Variants in FSTL5 observed in about 807,000 individuals in gnomAD.
FSTL5 encodes the protein follistatin-related protein 5.
In FSTL5, 62 loss-of-function variants were observed where a neutral mutation model predicts 89.1. The ratio of observed to expected loss-of-function variants is 0.70; its 90% CI spans 0.57 to 0.86. FSTL5 has a LOEUF of 0.86. Among genes scored for constraint, FSTL5 ranks in the 40% least tolerant of loss-of-function variants. The probability of loss-of-function intolerance (pLI) is 0.00; values close to 1 mark genes in which losing one functional copy is unlikely to be tolerated. For missense variants in FSTL5, 1,057 were observed against 1,001.6 expected, an observed-to-expected ratio of 1.06 and a Z score of -0.75; for synonymous variants, 383 against 346.2, an observed-to-expected ratio of 1.11 and a Z score of -1.18.
intron 1 of FSTL5, among the ~76,000 whole-genome samples, chr4:162,156,943 TATATCTAC>T (rs1733498109): frequency 6.6e-6 from 1 of 152,180 alleles, no homozygotes; most frequent in African/African-American, 2.4e-5. Flanking sequence ...ATGGTTTCCC[TATATCTAC>T]ATTATAAACT....
At chr4:161,773,133 G>T (rs189258662) in intron 5 of FSTL5, among the ~76,000 whole-genome samples, 49 of 152,234 alleles carry the variant, frequency 3.2e-4, no homozygotes, top group African/African-American at 1.1e-3. Flanking sequence ...GGGATAATTG[G>T]CAAACCACAT....
At chr4:161,506,232 C>A (rs547952190) in intron 11 of FSTL5, among the ~76,000 whole-genome samples, 101 of 104,942 alleles carry the variant, frequency 9.6e-4, no homozygotes, top group African/African-American at 3.4e-3. Context: ...TCACGCCCGG[C>A]ATTTTTTTTT....
At position 161,634,470 on chromosome 4, in the gene FSTL5, C is replaced by G. The variant is rs187292211; in HGVS notation, c.894+21858G>C. On this transcript the variant is annotated intron_variant, in intron 7 of 15. Coordinates refer to ENST00000306100, the MANE Select transcript of FSTL5 (RefSeq NM_020116.5). ...TTTATTACAGCATTAGTCACAATAGCCAAGGTATGTAAACCAACAAAATAT... is the reference window on the plus strand; with the variant it reads ...TTTATTACAGCATTAGTCACAATAGGCAAGGTATGTAAACCAACAAAATAT... Among the ~76,000 whole-genome samples the G allele has an allele frequency of 4.6e-5, 7 of 152,116 alleles. No individual in the cohort carries two copies. The East Asian group carries it at 1.2e-3, about 25-fold the overall frequency.
At chr4:161,841,093 G>T (rs1579132674) in intron 4 of FSTL5, among the ~76,000 whole-genome samples, 1 of 152,014 alleles carries the variant, frequency 6.6e-6, no homozygotes, top group African/African-American at 2.4e-5. Context: ...GCTTTCTTTA[G>T]CTTTTTCAGG....
chr4:161,620,078 C>T (rs1735062575), intron 7 of FSTL5, among the ~76,000 whole-genome samples: 1 of 151,036 alleles, frequency 6.6e-6, no homozygotes, highest in Non-Finnish European at 1.5e-5. Flanking sequence ...TCTCAGTAAA[C>T]TATCGCAAGA....
chr4:161,488,478 C>G (rs1189912348), intron 12 of FSTL5, among the ~76,000 whole-genome samples: 1 of 151,926 alleles, frequency 6.6e-6, no homozygotes. Flanking sequence ...ATAAGCTGAG[C>G]ATTGTTTTCT....
chr4:162,037,200 T>C (rs1488134847), intron 2 of FSTL5, among the ~76,000 whole-genome samples: 1 of 151,824 alleles, frequency 6.6e-6, no homozygotes, highest in Non-Finnish European at 1.5e-5. Context: ...TAGAATATAA[T>C]TGGGGGCAAA....
intron 5 of FSTL5, among the ~76,000 whole-genome samples, chr4:161,764,338 A>G (rs1029672456): frequency 6.6e-6 from 1 of 152,102 alleles, no homozygotes; most frequent in African/African-American, 2.4e-5. Context: ...GGCTCACTGC[A>G]ACCTTTGCCT....
chr4:161,942,976 G>A (rs547264511), intron 3 of FSTL5, among the ~76,000 whole-genome samples: 1 of 152,232 alleles, frequency 6.6e-6, no homozygotes, highest in Admixed American at 6.5e-5. Context: ...ATTCGGCAAA[G>A]CTGCAGAACA....
intron 7 of FSTL5, among the ~76,000 whole-genome samples, chr4:161,630,211 A>G (rs12642912): frequency 0.71 from 108,062 of 152,144 alleles, 38,945 homozygotes; most frequent in African/African-American, 0.83. Flanking sequence ...CACCATGTTT[A>G]TGCTAATCCA....
chr4:162,115,243 T>C (rs1035793187), intron 1 of FSTL5, among the ~76,000 whole-genome samples: 5 of 152,212 alleles, frequency 3.3e-5, no homozygotes, highest in Non-Finnish European at 7.3e-5. Context: ...TATATAGTTA[T>C]CAAACAGTAA....
chr4:161,760,307 G>A (rs1740742346), intron 5 of FSTL5, among the ~76,000 whole-genome samples: 1 of 152,110 alleles, frequency 6.6e-6, no homozygotes, highest in African/African-American at 2.4e-5. Context: ...TTCTATTGTG[G>A]TAGCTGCATA....
intron 6 of FSTL5, among the ~76,000 whole-genome samples, chr4:161,683,893 C>T (rs1737612531): frequency 1.3e-5 from 2 of 152,148 alleles, no homozygotes; most frequent in African/African-American, 2.4e-5. Context: ...TATCCCTCAC[C>T]TCCTTCCCAG....
In FSTL5 at chr4:161,977,618, A is replaced by T. The variant is rs1297839590; in HGVS notation, c.160+56007T>A. On this transcript the variant is annotated intron_variant, in intron 3 of 15. Coordinates refer to ENST00000306100, the MANE Select transcript of FSTL5 (RefSeq NM_020116.5). ...ACACAGCGAGACTCCGTGTCAAAAAAAAAAAAAAAAAAAAAAAAAAAAATA... is the reference window on the plus strand; with the variant it reads ...ACACAGCGAGACTCCGTGTCAAAAATAAAAAAAAAAAAAAAAAAAAAAATA... Among the ~76,000 whole-genome samples the T allele has an allele frequency of 3.1e-3, 178 of 57,122 alleles. 1 individual carries two copies. Among genetic ancestry groups the T allele is most frequent in the Middle Eastern group, 0.024 (2 of 82 alleles). The allele number at this position is 57,122 out of a possible 152,430, so 37.5% of individuals were successfully genotyped here. A position where few individuals can be genotyped will look rare whatever the true frequency, so the allele number is the denominator to read the frequency against.
chr4:161,626,179 A>G (rs1735308928), intron 7 of FSTL5, among the ~76,000 whole-genome samples: 1 of 152,144 alleles, frequency 6.6e-6, no homozygotes, highest in African/African-American at 2.4e-5. Flanking sequence ...TAATGTAGAC[A>G]AAACCATCTT....
intron 3 of FSTL5, among the ~76,000 whole-genome samples, chr4:161,971,653 A>T (rs1735487551): frequency 6.6e-6 from 1 of 152,126 alleles, no homozygotes; most frequent in Non-Finnish European, 1.5e-5. Context: ...AAAACTATAA[A>T]TTTCCTGAGC....
intron 10 of FSTL5, among the ~76,000 whole-genome samples, chr4:161,516,659 T>C (rs1237340991): frequency 9.7e-6 from 1 of 103,564 alleles, no homozygotes; most frequent in Admixed American, 1.2e-4. Context: ...TAATAAATTA[T>C]ATATACACAC....
chr4:161,618,604 C>G (rs1349921407), intron 7 of FSTL5, among the ~76,000 whole-genome samples: 2 of 152,086 alleles, frequency 1.3e-5, no homozygotes, highest in Non-Finnish European at 1.5e-5. Context: ...CTCTTCGGTT[C>G]TGTTTATATG....
At position 162,132,753 on chromosome 4, in the gene FSTL5, T is replaced by C. The variant is rs576655587; in HGVS notation, c.-16-21341A>G. On this transcript the variant is annotated intron_variant, in intron 1 of 15. Coordinates refer to ENST00000306100, the MANE Select transcript of FSTL5 (RefSeq NM_020116.5). ...ATAATTTGAATTTATCTTTGAATTT[T>C]TACCATCTGCTCTCCAGGTGAAGCT... Among the ~76,000 whole-genome samples, 6 of 152,334 alleles carry C rather than the reference T, an allele frequency of 3.9e-5. No homozygotes were observed. The East Asian group carries it at 1.2e-3, about 29-fold the overall frequency.
Sources: allele counts gnomAD v4.1 joint callset (sites outside exome capture counted in the v4.1 genomes callset), GRCh38; gene constraint gnomAD v4.1.1; transcripts MANE v1.5; gene names NCBI Gene and HGNC (gene_info 2026-07-23, HGNC 2026-07-21).